The following HHLA2 variants were observed in gnomAD, a reference collection of about 807,000 sequenced individuals.
HHLA2 encodes HERV-H LTR-associating protein 2.
Under a neutral mutation model 45.9 loss-of-function variants are expected in HHLA2, and 48 were observed. That is an observed-to-expected ratio of 1.05 (90% confidence interval 0.83 to 1.33). The LOEUF is 1.33. Ranked by LOEUF, HHLA2 falls within the 40% of genes most tolerant of loss-of-function variation. The pLI is 0.00. For missense variants in HHLA2, 462 were observed against 494.3 expected (o/e 0.93, Z 0.62); for synonymous variants, 161 against 173.9 (o/e 0.93, Z 0.59).
At position 108,318,180 on chromosome 3, in the gene HHLA2, C is replaced by CAAAA. The variant is rs55796552; in HGVS notation, c.-105+7453_-105+7456dup. 2.9e-4 allele frequency among the ~76,000 whole-genome samples: 35 copies of CAAAA among 122,420 alleles called. 1 individual carries two copies. The highest frequency in any genetic ancestry group is 3.4e-4 in the Non-Finnish European group (19 of 56,064). 80.3% of individuals were successfully genotyped at this position (122,420 alleles called of 152,430 possible). A position where few individuals can be genotyped will look rare whatever the true frequency, so the allele number is the denominator to read the frequency against. On this transcript the variant is annotated intron_variant, in intron 2 of 10. Coordinates refer to ENST00000619531, the Ensembl canonical transcript of HHLA2. ...TGGGTGACAGAGTGAGACTCCATCT[C>CAAAA]AAAAAAAAAAAAAAAAATTCAATAT... is the stretch of plus-strand genomic sequence containing the variant.
chr3:108,332,921 C>CA (rs11294202), intron 3 of HHLA2, among the ~76,000 whole-genome samples: 1 of 151,738 alleles, frequency 6.6e-6, no homozygotes, highest in East Asian at 1.9e-4. Context: ...CTGTTGCCAA[C>CA]AAAAAAAGAA....
intron 2 of HHLA2, among the ~76,000 whole-genome samples, chr3:108,323,474 A>G (rs2081239136): frequency 6.6e-6 from 1 of 152,176 alleles, no homozygotes; most frequent in South Asian, 2.1e-4. Context: ...AGTTAAGGAG[A>G]TAAGAAACAA....
intron 6 of HHLA2, among the ~76,000 whole-genome samples, chr3:108,356,000 C>T (rs1258990029): frequency 2.7e-5 from 4 of 150,252 alleles, no homozygotes; most frequent in Non-Finnish European, 4.4e-5. Flanking sequence ...TTGCTATCTC[C>T]ATATCCAAGT....
intron 5 of HHLA2, among the ~76,000 whole-genome samples, chr3:108,354,664 T>C (rs757415052): frequency 1.1e-4 from 17 of 152,144 alleles, no homozygotes; most frequent in Non-Finnish European, 1.9e-4. Context: ...CCAGCACTTG[T>C]TTCTTTTTCT....
chr3:108,371,287 G>C (rs966835621), intron 8 of HHLA2, among the ~76,000 whole-genome samples: 15 of 152,150 alleles, frequency 9.9e-5, no homozygotes, highest in African/African-American at 2.2e-4. Context: ...GAGAGATTTT[G>C]TCACCACCAG....
At chr3:108,342,324 C>T (rs1228226523) in intron 3 of HHLA2, among the ~76,000 whole-genome samples, 7 of 143,288 alleles carry the variant, frequency 4.9e-5, no homozygotes, top group South Asian at 4.5e-4. Context: ...AGTGCAACGG[C>T]GCGCTCTCAG....
At chr3:108,310,056 C>T (rs1257253636) in intron 1 of HHLA2, among the ~76,000 whole-genome samples, 3 of 152,088 alleles carry the variant, frequency 2.0e-5, no homozygotes, top group Non-Finnish European at 2.9e-5. Context: ...TTGGTCATTA[C>T]AGGCTCTTTA....
intron 3 of HHLA2, among the ~76,000 whole-genome samples, chr3:108,339,412 G>C (rs2081527667): frequency 6.6e-6 from 1 of 152,124 alleles, no homozygotes; most frequent in African/African-American, 2.4e-5. Flanking sequence ...ATTTAGTCTT[G>C]ACTTTGCTGT....
intron 2 of HHLA2, chr3:108,325,512 CT>C: frequency 3.2e-6 from 1 of 313,812 alleles, no homozygotes; most frequent in Non-Finnish European, 6.2e-6. Context: ...TAATTAAAAC[CT>C]TCTGCTACTA....
At chr3:108,329,361 T>C (rs1167678810) in intron 3 of HHLA2, among the ~76,000 whole-genome samples, 1 of 152,128 alleles carries the variant, frequency 6.6e-6, no homozygotes, top group East Asian at 1.9e-4. Flanking sequence ...GGGGGTTTTA[T>C]GAGTCAAAAC....
intron 3 of HHLA2, 113 bp from the exon 3 acceptor site, chr3:108,351,675 C>G: frequency 1.6e-6 from 1 of 618,422 alleles, no homozygotes. Context: ...CCATCCTTTA[C>G]AATATTATAT....
chr3:108,341,850 A>G (rs2081576377), intron 3 of HHLA2, among the ~76,000 whole-genome samples: 1 of 152,180 alleles, frequency 6.6e-6, no homozygotes, highest in Non-Finnish European at 1.5e-5. Context: ...CTGCTCTGTC[A>G]TCCTTGTTAC....
At chr3:108,319,192 T>G (rs894738077) in intron 2 of HHLA2, among the ~76,000 whole-genome samples, 1 of 151,882 alleles carries the variant, frequency 6.6e-6, no homozygotes, top group Admixed American at 6.6e-5. Context: ...AAAGAAACCA[T>G]AGTGATAGCT....
chr3:108,332,558 C>G (rs896717307), intron 3 of HHLA2, among the ~76,000 whole-genome samples: 1 of 152,134 alleles, frequency 6.6e-6, no homozygotes, highest in Non-Finnish European at 1.5e-5. Flanking sequence ...GTTGCTGAGA[C>G]AAAGCTTACA....
chr3:108,335,764 T>C (rs1388993362), intron 3 of HHLA2, among the ~76,000 whole-genome samples: 1 of 152,152 alleles, frequency 6.6e-6, no homozygotes, highest in African/African-American at 2.4e-5. Context: ...TCGGACTTTC[T>C]GATGAGCATC....
intron 4 of HHLA2, among the ~76,000 whole-genome samples, chr3:108,353,115 A>T (rs1343706234): frequency 6.6e-6 from 1 of 152,312 alleles, no homozygotes; most frequent in East Asian, 1.9e-4. Context: ...TTTAACATAC[A>T]TGATTTCCAG....
At chr3:108,355,260 G>A (rs759446550) in exon 6 of HHLA2, 40 of 1,613,874 alleles carry the variant, frequency 2.5e-5, no homozygotes, top group Non-Finnish European at 3.4e-5. Flanking sequence ...AAGAAACAGG[G>A]TCTTTGGATT....
At chr3:108,296,770 C>A (rs1442488839) in intron 1 of HHLA2, among the ~76,000 whole-genome samples, 171 bp downstream of exon 1, 1 of 152,134 alleles carries the variant, frequency 6.6e-6, no homozygotes, top group Non-Finnish European at 1.5e-5. Context: ...ATGCACCAAA[C>A]AAATACTTAG....
At chr3:108,316,792 C>T (rs2081110796) in intron 2 of HHLA2, among the ~76,000 whole-genome samples, 1 of 150,992 alleles carries the variant, frequency 6.6e-6, no homozygotes, top group South Asian at 2.1e-4. Flanking sequence ...ATTTTTTTTT[C>T]CAAATAAAAT....
Sources: gnomAD v4.1 joint callset for allele counts (sites outside exome capture counted in the v4.1 genomes callset) on GRCh38, gnomAD v4.1.1 for gene constraint, MANE v1.5 for transcripts, NCBI Gene and HGNC (gene_info 2026-07-23, HGNC 2026-07-21) for gene names.